SUSD1: variants seen among roughly 807,000 people sequenced by gnomAD.
The protein encoded by SUSD1 is sushi domain containing 1, also known as sushi domain-containing protein 1.
A neutral mutation model predicts 86.9 loss-of-function variants in SUSD1; 65 were observed. The observed-to-expected ratio is 0.75, with a 90% CI of 0.61 to 0.92. The LOEUF is 0.92. Ranked by LOEUF, SUSD1 falls within the 40% of genes least tolerant of loss-of-function variation. The probability of loss-of-function intolerance (pLI) is 0.00; values close to 1 mark genes in which losing one functional copy is unlikely to be tolerated. For missense variants in SUSD1, 850 were observed against 929.7 expected (o/e 0.91, Z 1.11); for synonymous variants, 346 against 350.0 (o/e 0.99, Z 0.13).
intron 10 of SUSD1, among the ~76,000 whole-genome samples, chr9:112,081,642 C>T (rs1227896742): frequency 6.6e-6 from 1 of 152,204 alleles, no homozygotes; most frequent in Non-Finnish European, 1.5e-5. Context: ...TTTAATATGA[C>T]TAAATAATCC....
chr9:112,078,439 T>C (rs1829615956), intron 12 of SUSD1, 99 bp downstream of exon 12: 1 of 1,221,832 alleles, frequency 8.2e-7, no homozygotes, highest in Non-Finnish European at 1.1e-6. Context: ...TTAAAGTTCA[T>C]TATATAATGA....
At chr9:112,062,044 G>A (rs557601938) in intron 13 of SUSD1, among the ~76,000 whole-genome samples, 122 of 152,110 alleles carry the variant, frequency 8.0e-4, no homozygotes, top group South Asian at 2.9e-3. Flanking sequence ...CTCCAACTGA[G>A]GTAAATTAAT....
At position 112,126,194 on chromosome 9, in the gene SUSD1, G is replaced by C. The variant is rs142884372; in HGVS notation, c.707-1758C>G. On this transcript the variant is annotated intron_variant, in intron 5 of 16. Coordinates refer to ENST00000374270, the MANE Select transcript of SUSD1 (RefSeq NM_022486.5). The stretch of plus-strand genomic sequence containing the variant: ...GAAACATCTTCTAATTTAAGACAGA[G>C]TTCAGTTACAGCAGGAAGTAGAGGG... Among the ~76,000 whole-genome samples the C allele has an allele frequency of 2.6e-5, 4 of 152,310 alleles. 1 individual carries two copies. In the Middle Eastern group the frequency reaches 0.01, roughly 389 times the overall value.
rs1351886735 is a variant in SUSD1, at chr9:112,113,569, C to T, written c.887-701G>A. ...CTGAGGTAACATAGTTTTCAGCATTCCCAGTCAACCCGCAAGTGGTTGTGC... is the reference window on the plus strand; with the variant it reads ...CTGAGGTAACATAGTTTTCAGCATTTCCAGTCAACCCGCAAGTGGTTGTGC... On this transcript the variant is annotated intron_variant, in intron 6 of 16. Coordinates refer to ENST00000374270, the MANE Select transcript of SUSD1 (RefSeq NM_022486.5). This position sits in a 1 kb window ranked among gnomAD's most constrained non-coding sequence, Gnocchi z 4.1. Among the ~76,000 whole-genome samples, 1 of 152,160 alleles carries T rather than the reference C, an allele frequency of 6.6e-6. No homozygotes were observed. Among genetic ancestry groups the T allele is most frequent in the Non-Finnish European group, 1.5e-5 (1 of 68,032 alleles).
chr9:112,103,117 T>C (rs1057044123), intron 8 of SUSD1: 2 of 458,278 alleles, frequency 4.4e-6, no homozygotes, highest in Non-Finnish European at 8.9e-6. Flanking sequence ...AGAGAAGCTA[T>C]TTTATAACTA....
Position 112,168,596 on chromosome 9 carries a change from T to C in SUSD1, c.103+6537A>G, listed in dbSNP as rs183320899. On this transcript the variant is annotated intron_variant, in intron 1 of 16. Transcript: ENST00000374270. ...CAACTTCAGTGTACTTCTGAGACAT[T>C]AGCTGATGGACTTTAATAGTACAGT... 2.9e-3 allele frequency among the ~76,000 whole-genome samples: 440 copies of C among 152,288 alleles called. 8 individuals carry two copies. Among genetic ancestry groups the C allele is most frequent in the Admixed American group, 0.025 (387 of 15,282 alleles).
chr9:112,104,025 G>A (rs900893335), intron 8 of SUSD1, among the ~76,000 whole-genome samples: 9 of 150,186 alleles, frequency 6.0e-5, no homozygotes, highest in Non-Finnish European at 8.9e-5. Flanking sequence ...TTAAGAGTTC[G>A]CCTGACAATT....
intron 15 of SUSD1, among the ~76,000 whole-genome samples, chr9:112,051,881 C>T (rs1828230784): frequency 6.6e-6 from 1 of 152,112 alleles, no homozygotes; most frequent in South Asian, 2.1e-4. Flanking sequence ...ACTGCTCTGC[C>T]TCCAACCAGC....
At chr9:112,115,468 T>C (rs1831271594) in intron 6 of SUSD1, among the ~76,000 whole-genome samples, 2 of 152,132 alleles carry the variant, frequency 1.3e-5, no homozygotes, top group Non-Finnish European at 2.9e-5. Flanking sequence ...TCTATATCAG[T>C]ATTTCTCCCT....
chr9:112,081,079 G>A (rs1829748392), intron 10 of SUSD1, among the ~76,000 whole-genome samples: 1 of 152,168 alleles, frequency 6.6e-6, no homozygotes, highest in African/African-American at 2.4e-5. Context: ...CATCCAAGTA[G>A]TCAAGAAAGA....
intron 10 of SUSD1, among the ~76,000 whole-genome samples, chr9:112,094,494 T>C (rs564510881): frequency 6.6e-6 from 1 of 152,188 alleles, no homozygotes; most frequent in Admixed American, 6.5e-5. Flanking sequence ...AAAAGTCCAG[T>C]GGAATTATTA....
chr9:112,072,782 G>A (rs571528828), intron 12 of SUSD1, among the ~76,000 whole-genome samples: 11 of 152,236 alleles, frequency 7.2e-5, no homozygotes, highest in Non-Finnish European at 1.2e-4. Flanking sequence ...CTCCTAGCGT[G>A]ACCTAATGTT....
intron 6 of SUSD1, among the ~76,000 whole-genome samples, chr9:112,122,599 A>C (rs1161326904): frequency 6.6e-6 from 1 of 151,964 alleles, no homozygotes; most frequent in African/African-American, 2.4e-5. Context: ...AGGCCTCAAG[A>C]CTCCTTTTCA....
intron 15 of SUSD1, 117 bp downstream of exon 15, chr9:112,052,282 T>C: frequency 3.1e-6 from 5 of 1,587,764 alleles, no homozygotes; most frequent in Non-Finnish European, 2.6e-6. Flanking sequence ...TTGCTTAAAG[T>C]AGTATGAATT....
chr9:112,100,831 CA>C (rs1334476392), intron 9 of SUSD1, among the ~76,000 whole-genome samples: 1 of 129,168 alleles, frequency 7.7e-6, no homozygotes, highest in Non-Finnish European at 1.6e-5. Flanking sequence ...GACTCCATCT[CA>C]AAAAAAACAA....
chr9:112,070,194 C>T (rs528406719), intron 12 of SUSD1, among the ~76,000 whole-genome samples: 17 of 152,012 alleles, frequency 1.1e-4, no homozygotes, highest in Admixed American at 3.9e-4. Context: ...TTAGTAGAGA[C>T]GGGGTTTCTC....
intron 2 of SUSD1, among the ~76,000 whole-genome samples, chr9:112,154,101 C>A (rs534716901): frequency 6.6e-6 from 1 of 152,018 alleles, no homozygotes; most frequent in Non-Finnish European, 1.5e-5. Flanking sequence ...GTTGTATATT[C>A]GGTCTATCAT....
chr9:112,144,244 A>C (rs1014013171), intron 3 of SUSD1, among the ~76,000 whole-genome samples: 1 of 150,836 alleles, frequency 6.6e-6, no homozygotes, highest in Non-Finnish European at 1.5e-5. Context: ...GTCTCAAAGA[A>C]AAAAAAAAAG....
intron 10 of SUSD1, among the ~76,000 whole-genome samples, chr9:112,093,423 T>C (rs1830280527): frequency 6.6e-6 from 1 of 152,132 alleles, no homozygotes; most frequent in African/African-American, 2.4e-5. Flanking sequence ...CACCGCCCTT[T>C]CCTCTGCTTT....
Sources: allele counts gnomAD v4.1 joint callset (sites outside exome capture counted in the v4.1 genomes callset), GRCh38; gene constraint gnomAD v4.1.1; non-coding constraint Gnocchi (gnomAD v3.1); transcripts MANE v1.5; gene names NCBI Gene and HGNC (gene_info 2026-07-23, HGNC 2026-07-21).